Variants in PAFAH1B1 observed in about 807,000 individuals in gnomAD.
PAFAH1B1 encodes platelet activating factor acetylhydrolase 1b regulatory subunit 1.
PAFAH1B1 carries 2 observed loss-of-function variants against 57.5 expected under a neutral mutation model. The ratio of observed to expected loss-of-function variants is 0.03; its 90% confidence interval spans 0.01 to 0.11. The LOEUF is 0.11. Ranked by LOEUF, PAFAH1B1 falls within the 10% of genes least tolerant of loss-of-function variation. PAFAH1B1 has a pLI of 1.00. For missense variants in PAFAH1B1, 257 were observed against 512.0 expected (o/e 0.50, Z 4.81); for synonymous variants, 152 against 169.6 (o/e 0.90, Z 0.81).
intron 1 of PAFAH1B1, among the ~76,000 whole-genome samples, chr17:2,612,678 G>C (rs952058949): frequency 6.6e-6 from 1 of 151,952 alleles, no homozygotes; most frequent in African/African-American, 2.4e-5. Context: ...GCCTGAACAC[G>C]GCTTCTCTGT....
intron 1 of PAFAH1B1, among the ~76,000 whole-genome samples, chr17:2,620,725 G>A (rs558887549): frequency 1.3e-5 from 2 of 152,204 alleles, no homozygotes; most frequent in African/African-American, 4.8e-5. Context: ...AGCTGGGTAT[G>A]GTGGCGCGTA....
At chr17:2,671,826 C>CTCCT (rs913091294) in intron 6 of PAFAH1B1, among the ~76,000 whole-genome samples, 1 of 152,148 alleles carries the variant, frequency 6.6e-6, no homozygotes, top group African/African-American at 2.4e-5. Context: ...TGGTCTTGAA[C>CTCCT]TCCTGACCTC....
intron 1 of PAFAH1B1, among the ~76,000 whole-genome samples, chr17:2,602,512 A>G (rs1043294580): frequency 1.1e-4 from 17 of 152,156 alleles, no homozygotes; most frequent in Admixed American, 3.3e-4. Flanking sequence ...TACCTCCTCG[A>G]TATTTGTTGA....
intron 1 of PAFAH1B1, among the ~76,000 whole-genome samples, chr17:2,625,736 G>A (rs913912324): frequency 1.3e-5 from 2 of 152,094 alleles, no homozygotes; most frequent in Non-Finnish European, 2.9e-5. Context: ...GACCAGCCTA[G>A]GCAACATAGC....
intron 1 of PAFAH1B1, among the ~76,000 whole-genome samples, chr17:2,630,322 A>T (rs1174264454): frequency 6.6e-6 from 1 of 152,192 alleles, no homozygotes; most frequent in African/African-American, 2.4e-5. Flanking sequence ...GAATTCTCTC[A>T]GCATTTGTTT....
In PAFAH1B1 at chr17:2,643,700, C is replaced by T. The variant is rs185420012; in HGVS notation, c.32+5380C>T. On this transcript the variant is annotated intron_variant, in intron 2 of 10. Coordinates refer to ENST00000397195, the MANE Select transcript of PAFAH1B1 (RefSeq NM_000430.4). ...TCAGCCTCCTGAGTAGCTGGGGTTA[C>T]AGGCAGGCACCACCACACCCCGCTA... Among the ~76,000 whole-genome samples the T allele has an allele frequency of 2.8e-3, 429 of 152,154 alleles. 1 individual carries two copies. Among genetic ancestry groups the T allele is most frequent in the Non-Finnish European group, 4.8e-3 (323 of 67,996 alleles).
intron 2 of PAFAH1B1, among the ~76,000 whole-genome samples, chr17:2,650,334 A>T (rs564281457): frequency 2.2e-3 from 329 of 152,296 alleles, no homozygotes; most frequent in African/African-American, 7.7e-3. Context: ...CAACATGGCA[A>T]AACCCCATCT....
rs562244254 is a variant in PAFAH1B1 at position 2,611,890 on chromosome 17, A to AT, written c.-191+17885dup. ...TAAATACGTGTATGTATGAAGTACT[A>AT]TGAAGTCACAGAAGAGGTGGTTACT... On this transcript the variant is annotated intron_variant, in intron 1 of 10. Coordinates refer to ENST00000397195, the MANE Select transcript of PAFAH1B1 (RefSeq NM_000430.4). Among the ~76,000 whole-genome samples, 105 of 152,246 alleles carry AT rather than the reference A, an allele frequency of 6.9e-4. 2 individuals are homozygous for AT. The South Asian group carries it at 0.021, about 30-fold the overall frequency.
intron 7 of PAFAH1B1, among the ~76,000 whole-genome samples, 156 bp downstream of exon 7, chr17:2,672,913 C>G (rs1004152624): frequency 6.6e-6 from 1 of 151,912 alleles, no homozygotes; most frequent in Non-Finnish European, 1.5e-5. Flanking sequence ...ACTAAAAATA[C>G]AAAAATTAGC....
chr17:2,607,382 G>C (rs760257243), intron 1 of PAFAH1B1, among the ~76,000 whole-genome samples: 3 of 151,048 alleles, frequency 2.0e-5, no homozygotes, highest in Non-Finnish European at 4.4e-5. Flanking sequence ...TCACCATGTT[G>C]GCCAGGGTGG....
intron 5 of PAFAH1B1, among the ~76,000 whole-genome samples, chr17:2,668,241 G>A (rs749211727): frequency 6.7e-6 from 1 of 149,896 alleles, no homozygotes; most frequent in Non-Finnish European, 1.5e-5. Context: ...CAGGAAATTC[G>A]CTTGAACCCA....
rs2068308998 is a variant in PAFAH1B1, at chr17:2,614,241, T to C, written c.-191+20235T>C. 2.6e-5 allele frequency among the ~76,000 whole-genome samples: 4 copies of C among 151,988 alleles called. No individual in the cohort carries two copies. In the South Asian group the frequency reaches 8.3e-4, roughly 32 times the overall value. On this transcript the variant is annotated intron_variant, in intron 1 of 10. Transcript: ENST00000397195. ...TGAGGTCTTGCTGTTTTGCCCAGGC[T>C]GATCTCAAACTCCTGAGCTCAAGGG...
intron 6 of PAFAH1B1, among the ~76,000 whole-genome samples, chr17:2,671,594 A>C (rs116532449): frequency 9.9e-3 from 747 of 75,804 alleles, no homozygotes; most frequent in Non-Finnish European, 0.011. Context: ...CCCCAACACC[A>C]CCTTTTTTTT....
intron 2 of PAFAH1B1, among the ~76,000 whole-genome samples, chr17:2,657,641 G>GGTA: frequency 6.6e-6 from 1 of 152,280 alleles, no homozygotes; most frequent in Non-Finnish European, 1.5e-5. Flanking sequence ...CCCTGCCTAG[G>GGTA]TAATACTTAC....
chr17:2,613,380 C>G (rs759509237), intron 1 of PAFAH1B1: 1 of 240,430 alleles, frequency 4.2e-6, no homozygotes, highest in African/African-American at 2.3e-5. Context: ...TGGCCCCCTT[C>G]ATAGGGGGAG....
chr17:2,663,975 G>A (rs1023275879), intron 2 of PAFAH1B1, among the ~76,000 whole-genome samples: 13 of 152,068 alleles, frequency 8.5e-5, no homozygotes, highest in African/African-American at 2.4e-4. Context: ...TTACAGGCGT[G>A]AGCCACCGCT....
intron 1 of PAFAH1B1, among the ~76,000 whole-genome samples, chr17:2,619,470 C>G (rs1427826187): frequency 6.6e-6 from 1 of 151,732 alleles, no homozygotes; most frequent in African/African-American, 2.4e-5. Flanking sequence ...TTAGCTCAGT[C>G]TGCCCACCTC....
chr17:2,639,656 G>T (rs8070018), intron 2 of PAFAH1B1: 43,275 of 151,672 alleles, frequency 0.29, 6,340 homozygotes, highest in Middle Eastern at 0.36. Context: ...GAGTGCAGTG[G>T]TGCAATCTCG....
chr17:2,623,072 G>C (rs1167140101), intron 1 of PAFAH1B1, among the ~76,000 whole-genome samples: 1 of 152,108 alleles, frequency 6.6e-6, no homozygotes, highest in African/African-American at 2.4e-5. Flanking sequence ...CCTGGGCCCA[G>C]CTCATGAAAC....
Sources: allele counts gnomAD v4.1 joint callset (sites outside exome capture counted in the v4.1 genomes callset), GRCh38; gene constraint gnomAD v4.1.1; transcripts MANE v1.5; gene names NCBI Gene and HGNC (gene_info 2026-07-23, HGNC 2026-07-21).